TUBGCP2: variants seen among roughly 807,000 people sequenced by gnomAD.
The protein encoded by TUBGCP2 is gamma-tubulin complex component 2.
Under a neutral mutation model 92.2 loss-of-function variants are expected in TUBGCP2, and 55 were observed. That is an observed-to-expected ratio of 0.60 (90% CI 0.48 to 0.75). The LOEUF is 0.75. Among genes scored for constraint, TUBGCP2 ranks in the 30% least tolerant of loss-of-function variants. The pLI is 0.00. For synonymous variants in TUBGCP2, 533 were observed against 505.2 expected, an observed-to-expected ratio of 1.06 and a Z score of -0.74; for missense variants, 1,093 against 1,188.9, an observed-to-expected ratio of 0.92 and a Z score of 1.19.
rs987869197 is a variant in TUBGCP2, at chr10:133,299,553, G to C, written c.330C>G (p.Ala110=). ...QNAKERAELA[A]AAVGSSTTSI... The stretch of plus-strand genomic sequence containing the variant: ...TGGTGGTACTGCTGCCCACAGCAGC[G>C]GCTGCAAGCTCAGCTCTTTCTTTTG... The change falls in exon 4 of 18, where the codon GCC becomes GCG. Residue 110 remains alanine, a synonymous_variant. Transcript: ENST00000252936. The C allele has an allele frequency of 6.2e-7, 1 of 1,613,468 alleles. No homozygotes were observed. The highest frequency in any genetic ancestry group is 1.3e-5 in the African/African-American group (1 of 74,898).
At position 133,282,317 on chromosome 10, in the gene TUBGCP2, T is replaced by C. The variant is rs1847004819; in HGVS notation, c.2315A>G (p.Asp772Gly). ...MQKFTQSMKL[D>G]GELGGQTLEH... is the part of the protein sequence containing the mutation. Reference sequence around the variant, plus strand: ...CAGCGTCTGCCCGCCCAGCTCGCCATCTAATTTCATGCTCTGTGTAAATTT... The same window carrying C: ...CAGCGTCTGCCCGCCCAGCTCGCCACCTAATTTCATGCTCTGTGTAAATTT... Residue 772 changes from aspartate to glycine, a missense_variant, in exon 16 of 18, where the codon GAT (aspartate) becomes GGT (glycine). Asp to Gly is a moderately conservative substitution (Grantham distance 94). Coordinates refer to ENST00000252936, the MANE Select transcript of TUBGCP2 (RefSeq NM_006659.4). 1 of 1,605,550 alleles carries C rather than the reference T, an allele frequency of 6.2e-7. No homozygotes were observed. The highest frequency in any genetic ancestry group is 1.1e-5 in the South Asian group (1 of 90,536).
chr10:133,283,307 T>C (rs1386711319), intron 14 of TUBGCP2, 86 bp from the exon 15 acceptor site: 2 of 1,578,396 alleles, frequency 1.3e-6, no homozygotes, highest in East Asian at 2.3e-5. Flanking sequence ...TCTGGCTTTG[T>C]GCATTCCTGT....
chr10:133,304,327 C>A (rs1161565020), intron 1 of TUBGCP2, among the ~76,000 whole-genome samples: 1 of 152,186 alleles, frequency 6.6e-6, no homozygotes, highest in Non-Finnish European at 1.5e-5. Context: ...ACAGGCAAGG[C>A]AACTGGCTAT....
chr10:133,299,534 T>C lies in TUBGCP2; in HGVS notation c.349A>G (p.Thr117Ala). The C allele has an allele frequency of 6.2e-7, 1 of 1,613,806 alleles. No individual in the cohort carries two copies. The highest frequency in any genetic ancestry group is 8.5e-7 in the Non-Finnish European group (1 of 1,179,822). The stretch of plus-strand genomic sequence containing the variant: ...GCGGCAGGGACGTTGATGCTGGTGG[T>C]ACTGCTGCCCACAGCAGCGGCTGCA... Reference protein sequence around the residue: ...ELAAAAVGSSTTSINVPAAAS... With the variant: ...ELAAAAVGSSATSINVPAAAS... The change falls in exon 4 of 18, where the codon ACC (threonine) becomes GCC (alanine). Residue 117 changes from threonine to alanine, a missense_variant. Physicochemically the swap from Thr to Ala is moderately conservative, Grantham distance 58. Coordinates refer to ENST00000252936, the MANE Select transcript of TUBGCP2 (RefSeq NM_006659.4).
intron 17 of TUBGCP2, among the ~76,000 whole-genome samples, chr10:133,280,460 C>T (rs1038996104): frequency 1.3e-5 from 2 of 152,254 alleles, no homozygotes; most frequent in African/African-American, 4.8e-5. Context: ...AAGGGCACCA[C>T]CCCTTCCAGG....
chr10:133,308,921 T>TGCGC (rs1225115716), upstream of TUBGCP2: 1 of 1,214,144 alleles, frequency 8.2e-7, no homozygotes, highest in African/African-American at 1.6e-5. Context: ...GCCGACAGGC[T>TGCGC]GCGCCCGCCC....
At chr10:133,297,811 G>T in intron 5 of TUBGCP2, 141 bp downstream of exon 5, 2 of 1,285,592 alleles carry the variant, frequency 1.6e-6, no homozygotes, top group Non-Finnish European at 2.1e-6. Context: ...CTGAGGAAAG[G>T]CAGGCCCGGG....
At chr10:133,297,807 A>C in intron 5 of TUBGCP2, 145 bp downstream of exon 5, 1 of 1,251,028 alleles carries the variant, frequency 8.0e-7, no homozygotes. Flanking sequence ...CAACCTGAGG[A>C]AAGGCAGGCC....
intron 2 of TUBGCP2, chr10:133,301,729 T>TTA (rs1847662472): frequency 8.3e-6 from 1 of 120,280 alleles, no homozygotes; most frequent in East Asian, 2.1e-4. Flanking sequence ...TTTTTTTTTT[T>TTA]TGAGACAGAG....
intron 2 of TUBGCP2, chr10:133,301,862 C>G (rs1401560826): frequency 1.3e-5 from 2 of 151,746 alleles, no homozygotes; most frequent in African/African-American, 4.8e-5. Flanking sequence ...TTACAGGTGC[C>G]CGCCACCACA....
intron 13 of TUBGCP2, 93 bp downstream of exon 13, chr10:133,284,979 CTAGAAAGCTGTCT>C (rs1334365571): frequency 5.4e-6 from 8 of 1,474,060 alleles, no homozygotes; most frequent in Non-Finnish European, 7.2e-6. Flanking sequence ...TTCCAGAAGC[CTAGAAAGCTGTCT>C]ACCAGGAGGG....
rs551749544 is a variant in TUBGCP2, at chr10:133,288,029, G to A, written c.1722+100C>T. The A allele has an allele frequency of 2.9e-4, 416 of 1,434,282 alleles. 1 individual carries two copies. Among genetic ancestry groups the A allele is most frequent in the Middle Eastern group, 1.7e-3 (7 of 4,154 alleles). The allele number at this position is 1,434,282 out of a possible 1,614,324, so 88.8% of individuals were successfully genotyped here. On this transcript the variant is annotated intron_variant, in intron 11 of 17. Coordinates refer to ENST00000252936, the MANE Select transcript of TUBGCP2 (RefSeq NM_006659.4). Reference sequence around the variant, plus strand: ...AAACAGACCCTGCGGTCGCCTCACCGGGACGGGGAGTGGGGGACAGGGCTG... The same window carrying A: ...AAACAGACCCTGCGGTCGCCTCACCAGGACGGGGAGTGGGGGACAGGGCTG...
At chr10:133,281,521 T>C in intron 16 of TUBGCP2, 85 bp from the exon 17 acceptor site, 2 of 1,477,856 alleles carry the variant, frequency 1.4e-6, no homozygotes, top group Middle Eastern at 2.4e-4. Context: ...CAGGCCGGTG[T>C]CCTTTCCCTT....
chr10:133,291,175 G>A, intron 8 of TUBGCP2: 4 of 414,428 alleles, frequency 9.7e-6, no homozygotes, highest in Non-Finnish European at 1.6e-5. Flanking sequence ...ATCTGCCCGG[G>A]GTGTGCTTTC....
intron 5 of TUBGCP2, among the ~76,000 whole-genome samples, chr10:133,294,475 C>A (rs756193489): frequency 1.5e-4 from 23 of 152,232 alleles, no homozygotes; most frequent in Non-Finnish European, 2.4e-4. Flanking sequence ...TTTCGGTTTA[C>A]AAAATCACTC....
chr10:133,309,975 A>G, upstream of TUBGCP2: 1 of 1,612,786 alleles, frequency 6.2e-7, no homozygotes, highest in African/African-American at 1.3e-5. Flanking sequence ...GAGGCAGGAC[A>G]TGGTGGGTGA....
intron 1 of TUBGCP2, among the ~76,000 whole-genome samples, chr10:133,305,075 G>C (rs1307266392): frequency 6.6e-6 from 1 of 152,140 alleles, no homozygotes; most frequent in Non-Finnish European, 1.5e-5. Context: ...CTCTTGTGGA[G>C]GGCCTGACAT....
Position 133,302,947 on chromosome 10 carries a change from T to G in TUBGCP2, c.-6A>C. 6.2e-7 allele frequency: 1 copy of G among 1,614,046 alleles called. No homozygotes were observed. The highest frequency in any genetic ancestry group is 8.5e-7 in the Non-Finnish European group (1 of 1,179,994). ...TGAATCCGAAATTCACTCATAGTTT[T>G]AGCTCTGAGGCACGAACATCACAAT... On this transcript the variant is annotated 5_prime_UTR_variant, in exon 2 of 18. An upstream open reading frame in the 5' UTR loses its in-frame stop. Coordinates refer to ENST00000252936, the MANE Select transcript of TUBGCP2 (RefSeq NM_006659.4).
In TUBGCP2 at chr10:133,293,198, T is replaced by C. The variant is rs770894931; in HGVS notation, c.865A>G (p.Asn289Asp). The C allele has an allele frequency of 1.9e-6, 3 of 1,613,834 alleles. No individual in the cohort carries two copies. In the South Asian group the frequency reaches 3.3e-5, roughly 18 times the overall value. ...EKSSFEYGQV[N>D]HALAAAMRTL... ...CGCATGGCGGCCGCCAGGGCGTGGT[T>C]CACCTGCCCGTACTCGAAGGAAGAC... Residue 289 changes from asparagine to aspartate, a missense_variant, in exon 7 of 18, where the codon AAC becomes GAC. Asn to Asp is a conservative substitution (Grantham distance 23). Transcript: ENST00000252936.
Sources: allele counts gnomAD v4.1 joint callset (sites outside exome capture counted in the v4.1 genomes callset), GRCh38; gene constraint gnomAD v4.1.1; transcripts MANE v1.5; gene names NCBI Gene and HGNC (gene_info 2026-07-23, HGNC 2026-07-21).